The following RUNX1T1 variants were observed in gnomAD, a reference collection of about 807,000 sequenced individuals.
RUNX1T1 encodes RUNX1 partner transcriptional co-repressor 1.
A neutral mutation model predicts 62.8 loss-of-function variants in RUNX1T1; 4 were observed. The observed-to-expected ratio is 0.06, with a 90% CI of 0.03 to 0.15. The LOEUF (loss-of-function observed/expected upper bound fraction) is 0.15. Among genes scored for constraint, RUNX1T1 ranks in the 10% least tolerant of loss-of-function variants. RUNX1T1 has a pLI of 1.00. For missense variants in RUNX1T1, 508 were observed against 754.3 expected (o/e 0.67, Z 3.82); for synonymous variants, 291 against 286.0 (o/e 1.02, Z -0.18).
chr8:92,083,381 A>G (rs999480582), intron 1 of RUNX1T1, among the ~76,000 whole-genome samples: 1 of 152,210 alleles, frequency 6.6e-6, no homozygotes, highest in Admixed American at 6.5e-5. Flanking sequence ...CAGAATCTAC[A>G]AGGAACTTAA....
intron 3 of RUNX1T1, among the ~76,000 whole-genome samples, chr8:92,014,282 T>TACACAC (rs34477770): frequency 1.1e-4 from 17 of 149,570 alleles, no homozygotes; most frequent in African/African-American, 3.2e-4. Flanking sequence ...CACGTGCACA[T>TACACAC]ACACACACAC....
chr8:92,062,440 C>T (rs1327514277), intron 1 of RUNX1T1: 6 of 1,254,472 alleles, frequency 4.8e-6, no homozygotes, highest in Non-Finnish European at 7.0e-6. Flanking sequence ...TTCCTGCCCA[C>T]ATCAGATACA....
rs187671526 is a variant in RUNX1T1, at chr8:92,005,343, T to C, written c.478-46A>G. On this transcript the variant is annotated intron_variant, in intron 4 of 10. Transcript: ENST00000396218. ...TGAGAGGACGGACTGAAAGTTTTCT[T>C]CTGTCCTGTTGACTTACTCTGCTTT... The C allele has an allele frequency of 1.9e-6, 3 of 1,566,826 alleles. No homozygotes were observed. In the East Asian group the frequency reaches 6.8e-5, roughly 35 times the overall value.
At chr8:91,982,918 C>CTT (rs56135737) in intron 8 of RUNX1T1, among the ~76,000 whole-genome samples, 7 of 59,544 alleles carry the variant, frequency 1.2e-4, no homozygotes, top group African/African-American at 2.0e-4. Context: ...TAGGAAAATA[C>CTT]TTTTTTTTTT....
intron 8 of RUNX1T1, among the ~76,000 whole-genome samples, chr8:91,978,781 C>T (rs73696991): frequency 6.6e-6 from 1 of 152,102 alleles, no homozygotes; most frequent in African/African-American, 2.4e-5. Context: ...GACCTTCCAC[C>T]TTCTATGGGC....
In RUNX1T1 at chr8:92,095,740, A is replaced by G; in HGVS notation, c.-86+3840T>C. 4 of 504,112 alleles carry G rather than the reference A, an allele frequency of 7.9e-6. No homozygotes were observed. The South Asian group carries it at 1.5e-4, about 19-fold the overall frequency. The allele number at this position is 504,112 out of a possible 1,614,324, so 31.2% of individuals were successfully genotyped here. A position where few individuals can be genotyped will look rare whatever the true frequency, so the allele number is the denominator to read the frequency against. On this transcript the variant is annotated intron_variant, in intron 1 of 11. Transcript: ENST00000265814. ...AGGATGGGGCCAGAAAGTGGGGGAG[A>G]GCTACCCTAAGGCTATCTGGGAATG...
At position 92,023,547 on chromosome 8, in the gene RUNX1T1, A is replaced by C. The variant is rs138395548; in HGVS notation, c.8-6184T>G. Reference sequence around the variant, plus strand: ...ACCTCCTCTTTTCAGATACATTTTCACTCCTCATCAATGATTTAGTTATAA... The same window carrying C: ...ACCTCCTCTTTTCAGATACATTTTCCCTCCTCATCAATGATTTAGTTATAA... On this transcript the variant is annotated intron_variant, in intron 1 of 10. Coordinates refer to ENST00000396218, the Ensembl canonical transcript of RUNX1T1. Among the ~76,000 whole-genome samples, 456 of 152,020 alleles carry C rather than the reference A, an allele frequency of 3.0e-3. 6 individuals carry two copies. Among genetic ancestry groups the C allele is most frequent in the African/African-American group, 9.3e-3 (386 of 41,442 alleles).
Position 92,046,179 on chromosome 8 carries a change from T to G in RUNX1T1, c.7+16367A>C, listed in dbSNP as rs3779762. Among the ~76,000 whole-genome samples, 4 of 152,270 alleles carry G rather than the reference T, an allele frequency of 2.6e-5. No individual in the cohort carries two copies. In the East Asian group the frequency reaches 5.8e-4, roughly 22 times the overall value. ...TATCACACATTTGACTTTTAATATGTTCATGGATACTAGTGTAACTTGTAC... is the reference window on the plus strand; with the variant it reads ...TATCACACATTTGACTTTTAATATGGTCATGGATACTAGTGTAACTTGTAC... On this transcript the variant is annotated intron_variant, in intron 1 of 10. Transcript: ENST00000396218.
chr8:92,029,776 G>A (rs1040228415), intron 1 of RUNX1T1, among the ~76,000 whole-genome samples: 3 of 151,970 alleles, frequency 2.0e-5, no homozygotes, highest in Non-Finnish European at 4.4e-5. Flanking sequence ...AACAACAGAT[G>A]AAAACTTCTT....
exon 6 of RUNX1T1, chr8:91,991,702 G>A: frequency 6.2e-7 from 1 of 1,614,090 alleles, no homozygotes; most frequent in Non-Finnish European, 8.5e-7. Flanking sequence ...TCCCTGTAGT[G>A]GTGGGCAATG....
At chr8:91,993,527 T>C (rs1250947003) in intron 5 of RUNX1T1, among the ~76,000 whole-genome samples, 3 of 152,166 alleles carry the variant, frequency 2.0e-5, no homozygotes, top group Non-Finnish European at 2.9e-5. Flanking sequence ...CTTAACTTTC[T>C]GGCTTCAATA....
At chr8:91,991,159 G>A (rs979148394) in intron 6 of RUNX1T1, among the ~76,000 whole-genome samples, 1 of 152,106 alleles carries the variant, frequency 6.6e-6, no homozygotes, top group Non-Finnish European at 1.5e-5. Context: ...GCCACAGATA[G>A]CATGCCATAT....
chr8:92,012,422 G>A (rs1478544936), intron 3 of RUNX1T1, among the ~76,000 whole-genome samples: 1 of 152,004 alleles, frequency 6.6e-6, no homozygotes, highest in Non-Finnish European at 1.5e-5. Flanking sequence ...TAGTTTCAGG[G>A]GAGGCTGGGA....
chr8:92,063,949 C>T (rs1462956623), upstream of RUNX1T1, among the ~76,000 whole-genome samples: 3 of 152,156 alleles, frequency 2.0e-5, no homozygotes, highest in African/African-American at 4.8e-5. Context: ...GGAGCATTCC[C>T]GTTAACTCTT....
intron 8 of RUNX1T1, chr8:91,977,319 C>G (rs1814183718): frequency 5.2e-6 from 1 of 193,908 alleles, no homozygotes; most frequent in African/African-American, 2.3e-5. Context: ...AAAGTTTACA[C>G]TGTGATGTCA....
At chr8:92,005,003 C>T in intron 5 of RUNX1T1, 113 bp downstream of exon 6, 1 of 898,774 alleles carries the variant, frequency 1.1e-6, no homozygotes, top group Admixed American at 2.7e-5. Context: ...TGGCTTATTG[C>T]TATTGTGCAA....
chr8:92,006,422 GC>G (rs1343330288), intron 4 of RUNX1T1: 2 of 152,100 alleles, frequency 1.3e-5, no homozygotes, highest in Non-Finnish European at 2.9e-5. Context: ...GGAACCAGGT[GC>G]CATGTACACC....
chr8:92,031,575 G>A lies in RUNX1T1; in HGVS notation c.8-14212C>T, dbSNP rs147354862. ...CAGCCTTGACCTCATGGGCTCTAGC[G>A]ATCCTCCTTTAGCCTCTGGAGTAGC... On this transcript the variant is annotated intron_variant, in intron 1 of 10. Transcript: ENST00000396218. Among the ~76,000 whole-genome samples the A allele has an allele frequency of 1.4e-4, 21 of 152,194 alleles. No individual in the cohort carries two copies. In the East Asian group the frequency reaches 1.7e-3, roughly 13 times the overall value.
chr8:91,984,878 A>G (rs1050339513), intron 8 of RUNX1T1, among the ~76,000 whole-genome samples: 2 of 152,212 alleles, frequency 1.3e-5, no homozygotes, highest in African/African-American at 4.8e-5. Flanking sequence ...TGTTTTTAAA[A>G]TATGCTTCAG....
Sources: allele counts gnomAD v4.1 joint callset (sites outside exome capture counted in the v4.1 genomes callset), GRCh38; gene constraint gnomAD v4.1.1; transcripts MANE v1.5; gene names NCBI Gene and HGNC (gene_info 2026-07-23, HGNC 2026-07-21).